The following GRM8 variants were observed in gnomAD, a reference collection of about 807,000 sequenced individuals.
The protein encoded by GRM8 is glutamate metabotropic receptor 8, also known as metabotropic glutamate receptor 8.
In GRM8, 47 loss-of-function variants were observed where a neutral mutation model predicts 87.2. That is an observed-to-expected ratio of 0.54 (90% confidence interval 0.43 to 0.69). GRM8 has a LOEUF of 0.69. GRM8 is among the 30% of genes least tolerant of loss of function. The probability of loss-of-function intolerance (pLI) is 0.00; values close to 1 mark genes in which losing one functional copy is unlikely to be tolerated. For synonymous variants in GRM8, 396 were observed against 404.5 expected (o/e 0.98, Z 0.25); for missense variants, 1,019 against 1,139.2 (o/e 0.89, Z 1.52).
chr7:126,508,671 C>G (rs1810866105), intron 9 of GRM8, among the ~76,000 whole-genome samples: 1 of 151,966 alleles, frequency 6.6e-6, no homozygotes, highest in South Asian at 2.1e-4. Flanking sequence ...ATAAATGATC[C>G]TTCCAAACAT....
intron 6 of GRM8, among the ~76,000 whole-genome samples, chr7:126,775,371 A>G (rs1819306364): frequency 6.6e-6 from 1 of 151,898 alleles, no homozygotes; most frequent in Admixed American, 6.6e-5. Flanking sequence ...TCCCAATGTG[A>G]CACAGATATA....
intron 3 of GRM8, among the ~76,000 whole-genome samples, chr7:127,043,914 G>A (rs1276891604): frequency 1.3e-5 from 2 of 151,180 alleles, no homozygotes; most frequent in Non-Finnish European, 3.0e-5. Context: ...AGGGGGACAG[G>A]AGTCCTAAAG....
At chr7:127,228,939 C>T (rs557115223) in intron 2 of GRM8, 13 of 152,190 alleles carry the variant, frequency 8.5e-5, no homozygotes, top group Admixed American at 3.9e-4. Flanking sequence ...GAAATATTAA[C>T]GCTATTAATT....
At chr7:126,856,595 A>G (rs754545314) in intron 6 of GRM8, among the ~76,000 whole-genome samples, 1 of 152,246 alleles carries the variant, frequency 6.6e-6, no homozygotes, top group Non-Finnish European at 1.5e-5. Context: ...GAATAAATTC[A>G]TAATATCTAG....
intron 3 of GRM8, among the ~76,000 whole-genome samples, chr7:127,071,712 T>G (rs1343618145): frequency 6.6e-6 from 1 of 152,178 alleles, no homozygotes; most frequent in Admixed American, 6.6e-5. Context: ...ATGTGGTCTC[T>G]GAATGCAAAT....
chr7:126,600,250 C>T (rs11980682), intron 8 of GRM8, among the ~76,000 whole-genome samples: 46,946 of 151,900 alleles, frequency 0.31, 8,126 homozygotes, highest in East Asian at 0.44. Context: ...ATACAGTTGA[C>T]CCTTGGACAA....
At chr7:126,876,526 G>C (rs1056917283) in intron 6 of GRM8, among the ~76,000 whole-genome samples, 1 of 152,124 alleles carries the variant, frequency 6.6e-6, no homozygotes, top group Non-Finnish European at 1.5e-5. Context: ...TCTGTCCTCT[G>C]TCTACGGGTT....
intron 9 of GRM8, among the ~76,000 whole-genome samples, chr7:126,477,246 G>C (rs547373020): frequency 6.6e-6 from 1 of 152,124 alleles, no homozygotes; most frequent in South Asian, 2.1e-4. Context: ...GTGGGTGGGG[G>C]AAATGGGGTA....
At chr7:126,990,094 T>C (rs932678187) in intron 3 of GRM8, among the ~76,000 whole-genome samples, 2 of 152,180 alleles carry the variant, frequency 1.3e-5, no homozygotes, top group East Asian at 3.9e-4. Context: ...CATACATATA[T>C]TCCACTAGTG....
chr7:126,522,210 C>T (rs958784816), intron 9 of GRM8, among the ~76,000 whole-genome samples: 1 of 152,146 alleles, frequency 6.6e-6, no homozygotes, highest in Non-Finnish European at 1.5e-5. Flanking sequence ...CTTCTGTTCC[C>T]AATTCAACTT....
chr7:126,485,188 T>C (rs987623052), intron 9 of GRM8, among the ~76,000 whole-genome samples: 6 of 152,054 alleles, frequency 3.9e-5, no homozygotes, highest in African/African-American at 1.4e-4. Context: ...GTCTCTGTCC[T>C]GAAGAAGCTT....
rs947396896 is a variant in GRM8 at position 126,535,328 on chromosome 7, C to A, written c.1495-1441G>T. Among the ~76,000 whole-genome samples, 7 of 152,276 alleles carry A rather than the reference C, an allele frequency of 4.6e-5. No individual in the cohort carries two copies. The East Asian group carries it at 1.4e-3, about 30-fold the overall frequency. On this transcript the variant is annotated intron_variant, in intron 8 of 10. Transcript: ENST00000339582. ...CTTGCTCTCTGCTGGATAATTCACT[C>A]GAGTGGAAGCACTCCAGTGTCACTG... is the stretch of plus-strand genomic sequence containing the variant.
intron 2 of GRM8, among the ~76,000 whole-genome samples, chr7:127,124,674 A>G (rs993421706): frequency 3.9e-5 from 6 of 152,162 alleles, no homozygotes; most frequent in Non-Finnish European, 8.8e-5. Flanking sequence ...TTGGATAATG[A>G]ACCTCCATTT....
rs755427353 is a variant in GRM8 at position 126,834,919 on chromosome 7, C to CT, written c.1157-64855dup. ...TTGAGACCCGGTCTCTGAAAAATAA[C>CT]TAAAAAATTAGCCAGGTGTGGTGGT... On this transcript the variant is annotated intron_variant, in intron 6 of 10. Coordinates refer to ENST00000339582, the MANE Select transcript of GRM8 (RefSeq NM_000845.3). Among the ~76,000 whole-genome samples the CT allele has an allele frequency of 3.0e-4, 45 of 151,528 alleles. No individual in the cohort carries two copies. The Middle Eastern group carries it at 0.01, about 34-fold the overall frequency.
At chr7:127,119,567 T>C (rs1267064465) in intron 2 of GRM8, among the ~76,000 whole-genome samples, 2 of 150,830 alleles carry the variant, frequency 1.3e-5, no homozygotes, top group East Asian at 3.9e-4. Flanking sequence ...AAAGAAAAGG[T>C]AGAAGATGAC....
chr7:126,559,979 G>A (rs1793539946), intron 8 of GRM8, among the ~76,000 whole-genome samples: 1 of 152,162 alleles, frequency 6.6e-6, no homozygotes, highest in Non-Finnish European at 1.5e-5. Flanking sequence ...ATCTGAGAAA[G>A]CTGGACTGAC....
intron 3 of GRM8, among the ~76,000 whole-genome samples, chr7:126,985,374 A>G (rs1811952717): frequency 6.6e-6 from 1 of 152,222 alleles, no homozygotes; most frequent in South Asian, 2.1e-4. Context: ...AGAATGATAA[A>G]AAATAAAAAG....
intron 8 of GRM8, among the ~76,000 whole-genome samples, chr7:126,589,002 G>A (rs1585141204): frequency 1.3e-5 from 2 of 152,304 alleles, no homozygotes; most frequent in Admixed American, 1.3e-4. Flanking sequence ...TTCTGACTTT[G>A]TCTCACAGGG....
intron 7 of GRM8, among the ~76,000 whole-genome samples, chr7:126,764,246 T>C (rs894723828): frequency 6.6e-5 from 10 of 151,958 alleles, no homozygotes; most frequent in African/African-American, 2.4e-4. Flanking sequence ...ATCCATCTCT[T>C]GATAAGAGTA....
Sources: gnomAD v4.1 joint callset for allele counts (sites outside exome capture counted in the v4.1 genomes callset) on GRCh38, gnomAD v4.1.1 for gene constraint, MANE v1.5 for transcripts, NCBI Gene and HGNC (gene_info 2026-07-23, HGNC 2026-07-21) for gene names.